Variants in CADPS observed in about 807,000 individuals in gnomAD.
The protein encoded by CADPS is calcium-dependent secretion activator 1.
CADPS carries 57 observed loss-of-function variants against 167.3 expected under a neutral mutation model. The ratio of observed to expected loss-of-function variants is 0.34; its 90% CI spans 0.28 to 0.42. The LOEUF (loss-of-function observed/expected upper bound fraction) is 0.42, where lower values mean the gene tolerates loss of function less well. Among genes scored for constraint, CADPS ranks in the 20% least tolerant of loss-of-function variants. The pLI, the probability that CADPS is intolerant of heterozygous loss-of-function variation, is 1.00. For synonymous variants in CADPS, 676 were observed against 635.3 expected, an observed-to-expected ratio of 1.06 and a Z score of -0.96; for missense variants, 1,414 against 1,738.1, an observed-to-expected ratio of 0.81 and a Z score of 3.32.
At chr3:62,851,841 G>A (rs1241413520) in intron 1 of CADPS, among the ~76,000 whole-genome samples, 2 of 151,548 alleles carry the variant, frequency 1.3e-5, no homozygotes, top group African/African-American at 4.9e-5. Context: ...GATTGGGGAA[G>A]TTCTCCTGGA....
At chr3:62,810,532 G>A (rs989931543) in intron 1 of CADPS, among the ~76,000 whole-genome samples, 9 of 152,112 alleles carry the variant, frequency 5.9e-5, no homozygotes, top group East Asian at 1.9e-4. Flanking sequence ...TTTATTACTC[G>A]GATTTGTTTT....
intron 6 of CADPS, among the ~76,000 whole-genome samples, chr3:62,626,936 T>C (rs962680682): frequency 2.6e-5 from 4 of 152,166 alleles, no homozygotes; most frequent in African/African-American, 9.7e-5. Flanking sequence ...GCAGTGAATG[T>C]TAAAGATATG....
At chr3:62,677,983 C>T (rs1221945709) in intron 3 of CADPS, among the ~76,000 whole-genome samples, 1 of 152,068 alleles carries the variant, frequency 6.6e-6, no homozygotes, top group Admixed American at 6.6e-5. Flanking sequence ...AGGGGTTAAA[C>T]AACTGGGGTC....
At chr3:62,793,357 G>C (rs1438985031) in intron 1 of CADPS, among the ~76,000 whole-genome samples, 1 of 152,208 alleles carries the variant, frequency 6.6e-6, no homozygotes, top group Admixed American at 6.5e-5. Context: ...TACACAATCA[G>C]TTTCAGCGGT....
chr3:62,819,390 C>A (rs538611425), intron 1 of CADPS, among the ~76,000 whole-genome samples: 1 of 147,754 alleles, frequency 6.8e-6, no homozygotes, highest in Admixed American at 6.8e-5. Context: ...AGGTTTAAAG[C>A]AATGACAATC....
chr3:62,460,507 G>T (rs2059210304), intron 26 of CADPS, among the ~76,000 whole-genome samples: 1 of 152,158 alleles, frequency 6.6e-6, no homozygotes, highest in Non-Finnish European at 1.5e-5. Context: ...AATGCCATCA[G>T]AGAAAATACT....
intron 24 of CADPS, among the ~76,000 whole-genome samples, chr3:62,470,374 A>C (rs1296656122): frequency 6.6e-6 from 1 of 152,218 alleles, no homozygotes; most frequent in Non-Finnish European, 1.5e-5. Context: ...ACTACATAAA[A>C]ACATTGGACT....
intron 6 of CADPS, among the ~76,000 whole-genome samples, chr3:62,642,731 A>G (rs2067678919): frequency 6.6e-6 from 1 of 152,098 alleles, no homozygotes; most frequent in Non-Finnish European, 1.5e-5. Flanking sequence ...CAACATGGTG[A>G]AACCCCATCT....
At chr3:62,747,561 T>A (rs1390296768) in intron 3 of CADPS, among the ~76,000 whole-genome samples, 1 of 152,162 alleles carries the variant, frequency 6.6e-6, no homozygotes, top group East Asian at 1.9e-4. Flanking sequence ...GATAACCACA[T>A]CATCAAAGGC....
At chr3:62,868,805 T>G (rs954950291) in intron 1 of CADPS, among the ~76,000 whole-genome samples, 3 of 152,128 alleles carry the variant, frequency 2.0e-5, no homozygotes, top group Admixed American at 6.5e-5. Flanking sequence ...TTGTAAGTCT[T>G]GGTAAAAAGT....
At chr3:62,633,438 G>C (rs986289822) in intron 6 of CADPS, among the ~76,000 whole-genome samples, 1 of 152,122 alleles carries the variant, frequency 6.6e-6, no homozygotes, top group Non-Finnish European at 1.5e-5. Context: ...TTGACCTCCA[G>C]GTCCCGTGAG....
rs191253417 is a variant in CADPS at position 62,813,123 on chromosome 3, C to T, written c.442-47139G>A. On this transcript the variant is annotated intron_variant, in intron 1 of 29. Coordinates refer to ENST00000383710, the MANE Select transcript of CADPS (RefSeq NM_003716.4). ...AATTAAAAAAAAACTATTTTAAAAT[C>T]TATTTGGAATCAAAAAAGGGCCCAA... is the stretch of plus-strand genomic sequence containing the variant. 2.9e-3 allele frequency among the ~76,000 whole-genome samples: 438 copies of T among 152,102 alleles called. 2 individuals are homozygous for T. The highest frequency in any genetic ancestry group is 0.014 in the Middle Eastern group (4 of 294).
chr3:62,728,668 C>G (rs1259487446), intron 3 of CADPS, among the ~76,000 whole-genome samples: 1 of 151,900 alleles, frequency 6.6e-6, no homozygotes, highest in Non-Finnish European at 1.5e-5. Context: ...TTATCTCATT[C>G]TGGAGGCTTC....
At chr3:62,742,782 A>C (rs1308210308) in intron 3 of CADPS, among the ~76,000 whole-genome samples, 1 of 152,228 alleles carries the variant, frequency 6.6e-6, no homozygotes, top group Non-Finnish European at 1.5e-5. Flanking sequence ...AATGGGATCT[A>C]ATTAAACTAA....
intron 6 of CADPS, among the ~76,000 whole-genome samples, chr3:62,599,705 T>TAA (rs2059487686): frequency 3.7e-5 from 1 of 26,982 alleles, no homozygotes; most frequent in African/African-American, 1.5e-4. Context: ...AATATATATA[T>TAA]TATATAATAT....
Position 62,465,461 on chromosome 3 carries a change from A to G in CADPS, c.3553-11T>C. 2 of 1,577,380 alleles carry G rather than the reference A, an allele frequency of 1.3e-6. No individual in the cohort carries two copies. Among genetic ancestry groups the G allele is most frequent in the South Asian group, 1.2e-5 (1 of 86,722 alleles). On this transcript the variant is annotated splice_polypyrimidine_tract_variant and intron_variant, in intron 25 of 29. Coordinates refer to ENST00000383710, the MANE Select transcript of CADPS (RefSeq NM_003716.4). This position sits in a 1 kb window ranked among gnomAD's most constrained non-coding sequence, Gnocchi z 4.1. ...CAAGATAGTAACGAACTAGAAAAAC[A>G]GCAAAAAAGAAAAAAATGTTATTTC...
chr3:62,806,854 G>C (rs550675026), intron 1 of CADPS, among the ~76,000 whole-genome samples: 1 of 152,278 alleles, frequency 6.6e-6, no homozygotes, highest in South Asian at 2.1e-4. Context: ...CACTAATTTA[G>C]AAATTGTCCT....
chr3:62,628,301 G>A (rs2064512768), intron 6 of CADPS, among the ~76,000 whole-genome samples: 1 of 152,144 alleles, frequency 6.6e-6, no homozygotes, highest in Non-Finnish European at 1.5e-5. Flanking sequence ...CTTTGTACAT[G>A]TTAGCCATCA....
intron 3 of CADPS, among the ~76,000 whole-genome samples, chr3:62,671,897 G>A (rs2075579790): frequency 6.6e-6 from 1 of 151,938 alleles, no homozygotes; most frequent in African/African-American, 2.4e-5. Context: ...CAAGAAGCTG[G>A]GACTACAGGT....
Sources: allele counts gnomAD v4.1 joint callset (sites outside exome capture counted in the v4.1 genomes callset), GRCh38; gene constraint gnomAD v4.1.1; non-coding constraint Gnocchi (gnomAD v3.1); transcripts MANE v1.5; gene names NCBI Gene and HGNC (gene_info 2026-07-23, HGNC 2026-07-21).